Variants in CDS2 observed in about 807,000 individuals in gnomAD.
The protein encoded by CDS2 is CDP-diacylglycerol synthase 2.
Under a neutral mutation model 59.0 loss-of-function variants are expected in CDS2, and 47 were observed. That is an observed-to-expected ratio of 0.80 (90% confidence interval 0.63 to 1.02). The LOEUF (loss-of-function observed/expected upper bound fraction) is 1.02. Among genes scored for constraint, CDS2 ranks in the 50% least tolerant of loss-of-function variants. The pLI is 0.00. For missense variants in CDS2, 356 were observed against 558.9 expected, an observed-to-expected ratio of 0.64 and a Z score of 3.66; for synonymous variants, 207 against 206.4, an observed-to-expected ratio of 1.00 and a Z score of -0.02.
chr20:5,178,755 C>CT, intron 4 of CDS2, 62 bp from the exon 5 acceptor site: 1 of 1,589,844 alleles, frequency 6.3e-7, no homozygotes, highest in Non-Finnish European at 8.6e-7. Flanking sequence ...TCTGGGATGT[C>CT]TGACTGCCTT....
chr20:5,175,381 G>A lies in CDS2; in HGVS notation c.291+102G>A, dbSNP rs143522938. On this transcript the variant is annotated intron_variant, in intron 3 of 12. Coordinates refer to ENST00000460006, the MANE Select transcript of CDS2 (RefSeq NM_003818.4). Reference sequence around the variant, plus strand: ...TGGGTTGGTTGTGGGAATTGACGGGGGTCCAGGCTTCTCAGAAAACCTCTG... The same window carrying A: ...TGGGTTGGTTGTGGGAATTGACGGGAGTCCAGGCTTCTCAGAAAACCTCTG... The A allele has an allele frequency of 3.5e-4, 308 of 879,316 alleles. 1 individual carries two copies. The African/African-American group carries it at 3.9e-3, about 11-fold the overall frequency. The allele number at this position is 879,316 out of a possible 1,614,324, so 54.5% of individuals were successfully genotyped here.
chr20:5,192,934 C>A lies in CDS2; in HGVS notation c.*2700C>A, dbSNP rs1468426237. The A allele has an allele frequency of 6.6e-6, 1 of 152,236 alleles. No homozygotes were observed. Among genetic ancestry groups the A allele is most frequent in the Non-Finnish European group, 1.5e-5 (1 of 68,086 alleles). The allele number at this position is 152,236 out of a possible 1,614,324, so 9.4% of individuals were successfully genotyped here. A position where few individuals can be genotyped will look rare whatever the true frequency, so the allele number is the denominator to read the frequency against. On this transcript the variant is annotated 3_prime_UTR_variant, in exon 13 of 13. Transcript: ENST00000460006. ...TTTACCCACAGGACACCTGGAGGGTCCCCCAGCCCTGCTTGCTTTTGTGAA... is the reference window on the plus strand; with the variant it reads ...TTTACCCACAGGACACCTGGAGGGTACCCCAGCCCTGCTTGCTTTTGTGAA...
At chr20:5,189,013 C>T (rs1428868521) in intron 10 of CDS2, 54 bp from the exon 11 acceptor site, 3 of 1,609,750 alleles carry the variant, frequency 1.9e-6, no homozygotes, top group Non-Finnish European at 2.5e-6. Flanking sequence ...ACAACTCAAA[C>T]CGTAACACTG....
intron 1 of CDS2, among the ~76,000 whole-genome samples, chr20:5,127,608 C>T (rs921025267): frequency 6.6e-6 from 1 of 152,192 alleles, no homozygotes; most frequent in Non-Finnish European, 1.5e-5. Flanking sequence ...GCATTTGCCT[C>T]CTGGGAGATG....
At chr20:5,139,153 C>A (rs2090672818) in intron 1 of CDS2, among the ~76,000 whole-genome samples, 1 of 152,142 alleles carries the variant, frequency 6.6e-6, no homozygotes, top group East Asian at 1.9e-4. Flanking sequence ...ACCAGCCTGG[C>A]CAAAATGGTG....
chr20:5,197,247 T>G lies in CDS2; in HGVS notation c.*7013T>G, dbSNP rs370640072. 4 of 116,768 alleles carry G rather than the reference T, an allele frequency of 3.4e-5. No homozygotes were observed. Among genetic ancestry groups the G allele is most frequent in the Admixed American group, 8.2e-5 (1 of 12,200 alleles). 7.2% of individuals were successfully genotyped at this position (116,768 alleles called of 1,614,324 possible). ...GAACCTTGGTGGTTTTTTTTTTTTT[T>G]TTGGTTTTTTTTTTTTGATCGAGCT... On this transcript the variant is annotated 3_prime_UTR_variant, in exon 13 of 13. Transcript: ENST00000460006.
intron 1 of CDS2, among the ~76,000 whole-genome samples, chr20:5,159,167 CT>C (rs1057215482): frequency 7.3e-5 from 11 of 151,654 alleles, no homozygotes; most frequent in South Asian, 4.2e-4. Context: ...GTTACATTTT[CT>C]TTTTTTTAAT....
At chr20:5,127,755 G>A (rs960766668) in intron 1 of CDS2, among the ~76,000 whole-genome samples, 1 of 152,164 alleles carries the variant, frequency 6.6e-6, no homozygotes, top group South Asian at 2.1e-4. Flanking sequence ...GGCTCTGGTG[G>A]GTAGGGGAGG....
intron 1 of CDS2, among the ~76,000 whole-genome samples, chr20:5,172,510 A>G (rs998346879): frequency 3.9e-5 from 6 of 152,180 alleles, no homozygotes; most frequent in African/African-American, 1.2e-4. Flanking sequence ...GACAGTCACA[A>G]TTCCGTGTAT....
chr20:5,139,592 A>C (rs138613799), intron 1 of CDS2, among the ~76,000 whole-genome samples: 18 of 152,196 alleles, frequency 1.2e-4, no homozygotes, highest in African/African-American at 4.3e-4. Context: ...TTCCAATACT[A>C]TGTTGAATAA....
In CDS2 at chr20:5,194,488, C is replaced by T. The variant is rs2091142077; in HGVS notation, c.*4254C>T. ...CGCCCTTCCCTTTCAGGTTGACCAG[C>T]AGTGGCCTTACCTGGCCTCTCAGGT... is the stretch of plus-strand genomic sequence containing the variant. On this transcript the variant is annotated 3_prime_UTR_variant, in exon 13 of 13. Coordinates refer to ENST00000460006, the MANE Select transcript of CDS2 (RefSeq NM_003818.4). 1 of 152,354 alleles carries T rather than the reference C, an allele frequency of 6.6e-6. No homozygotes were observed. The highest frequency in any genetic ancestry group is 2.1e-4 in the South Asian group (1 of 4,830). 9.4% of individuals were successfully genotyped at this position (152,354 alleles called of 1,614,324 possible).
chr20:5,190,067 C>G, intron 12 of CDS2, 35 bp from the exon 13 acceptor site: 1 of 1,609,040 alleles, frequency 6.2e-7, no homozygotes, highest in Non-Finnish European at 8.5e-7. Flanking sequence ...CTTCCGGGCC[C>G]TAGCTCAGTG....
intron 1 of CDS2, among the ~76,000 whole-genome samples, chr20:5,130,811 G>C (rs7263689): frequency 6.6e-6 from 1 of 151,232 alleles, no homozygotes; most frequent in Non-Finnish European, 1.5e-5. Flanking sequence ...AGCTCTGGAG[G>C]CTGGGCGTGG....
intron 1 of CDS2, among the ~76,000 whole-genome samples, chr20:5,135,611 T>C (rs2090643883): frequency 6.6e-6 from 1 of 152,160 alleles, no homozygotes; most frequent in Admixed American, 6.5e-5. Flanking sequence ...GCTGGGGTAA[T>C]AGTGAGGCAC....
rs1451527098 is a variant in CDS2, at chr20:5,145,826, T to G, written c.57+18677T>G. Among the ~76,000 whole-genome samples, 463 of 148,286 alleles carry G rather than the reference T, an allele frequency of 3.1e-3. 6 individuals carry two copies. The highest frequency in any genetic ancestry group is 9.4e-3 in the African/African-American group (381 of 40,656). ...GTTGTGTGTTTTGCTTTTTGTGTTT[T>G]TTTTTTTTTTTTTTTGAGACAAAGT... On this transcript the variant is annotated intron_variant, in intron 1 of 12. Coordinates refer to ENST00000460006, the MANE Select transcript of CDS2 (RefSeq NM_003818.4).
At chr20:5,145,729 G>A (rs977393427) in intron 1 of CDS2, among the ~76,000 whole-genome samples, 10 of 151,860 alleles carry the variant, frequency 6.6e-5, no homozygotes, top group African/African-American at 2.4e-4. Flanking sequence ...TGTACTTACT[G>A]ACATTCATTT....
At chr20:5,159,533 G>C (rs1475761595) in intron 1 of CDS2, among the ~76,000 whole-genome samples, 1 of 151,912 alleles carries the variant, frequency 6.6e-6, no homozygotes, top group Non-Finnish European at 1.5e-5. Context: ...ACAAGTGTAA[G>C]GAATCTTTGT....
At chr20:5,146,535 A>G (rs2090745177) in intron 1 of CDS2, among the ~76,000 whole-genome samples, 1 of 152,178 alleles carries the variant, frequency 6.6e-6, no homozygotes, top group Non-Finnish European at 1.5e-5. Context: ...ACAGATGAAG[A>G]TGCTGTCATC....
chr20:5,172,225 G>A (rs983772709), intron 1 of CDS2, among the ~76,000 whole-genome samples: 1 of 152,182 alleles, frequency 6.6e-6, no homozygotes, highest in African/African-American at 2.4e-5. Flanking sequence ...CAGCCAAGGA[G>A]ACATTTACAA....
Sources: allele counts gnomAD v4.1 joint callset (sites outside exome capture counted in the v4.1 genomes callset), GRCh38; gene constraint gnomAD v4.1.1; transcripts MANE v1.5; gene names NCBI Gene and HGNC (gene_info 2026-07-23, HGNC 2026-07-21).